Variants in GATA6 observed in about 807,000 individuals in gnomAD.
GATA6 encodes transcription factor GATA-6.
In GATA6, 11 loss-of-function variants were observed where a neutral mutation model predicts 48.1. The observed-to-expected ratio is 0.23, with a 90% confidence interval of 0.14 to 0.38. The LOEUF is 0.38. GATA6 is among the 10% of genes least tolerant of loss of function. GATA6 has a pLI of 1.00. For synonymous variants in GATA6, 419 were observed against 396.1 expected (o/e 1.06, Z -0.69); for missense variants, 795 against 850.3 (o/e 0.93, Z 0.81).
chr18:22,171,159 C>A lies in GATA6; in HGVS notation c.15C>A (p.Asp5Glu). ...CCGGACCGTGGATGGCCTTGACTGACGGCGGCTGGTGCTTGCCGAAGCGCT... is the reference window on the plus strand; with the variant it reads ...CCGGACCGTGGATGGCCTTGACTGAAGGCGGCTGGTGCTTGCCGAAGCGCT... The part of the protein sequence containing the change: MALT[D>E]GGWCLPKRFG... The change falls in exon 2 of 7, where the codon GAC becomes GAA. Residue 5 changes from aspartate to glutamate, a missense_variant. By Grantham distance (45) the Asp-to-Glu change is conservative (BLOSUM62 2). Around this residue, in one of 5 missense-constraint regions of GATA6, gnomAD observed 591 missense variants for 570.0 expected, o/e 1.04. Transcript: ENST00000269216. This position sits in a 1 kb window ranked among gnomAD's most constrained non-coding sequence, Gnocchi z 7.1. 6.3e-7 allele frequency: 1 copy of A among 1,599,958 alleles called. No homozygotes were observed. The highest frequency in any genetic ancestry group is 1.7e-4 in the Middle Eastern group (1 of 6,058).
In GATA6 at chr18:22,200,857, C is replaced by T; in HGVS notation, c.*34C>T. 3 of 1,582,208 alleles carry T rather than the reference C, an allele frequency of 1.9e-6. No individual in the cohort carries two copies. Among genetic ancestry groups the T allele is most frequent in the Non-Finnish European group, 1.7e-6 (2 of 1,163,656 alleles). On this transcript the variant is annotated 3_prime_UTR_variant, in exon 7 of 7. Transcript: ENST00000269216. Reference sequence around the variant, plus strand: ...CGCCAGGAGGCAGGGAGGGCTCCGCCGCGGGCCTCACTCCACTCGTGTCTG... The same window carrying T: ...CGCCAGGAGGCAGGGAGGGCTCCGCTGCGGGCCTCACTCCACTCGTGTCTG...
Position 22,177,047 on chromosome 18 carries a change from C to CTG in GATA6, c.1231_1232dup (p.Asn412AlafsTer10). 6.3e-7 allele frequency: 1 copy of CTG among 1,577,838 alleles called. No homozygotes were observed. Among genetic ancestry groups the CTG allele is most frequent in the Non-Finnish European group, 8.6e-7 (1 of 1,163,498 alleles). ...GCGGCGGGACGGCACCGGCCACTAC[C>CTG]TGTGCAACGCCTGCGGGCTCTACAG... On this transcript the variant is annotated frameshift_variant, in exon 3 of 7. Transcript: ENST00000269216. LOFTEE classifies it high-confidence loss of function.
intron 2 of GATA6, 64 bp from the exon 3 acceptor site, chr18:22,176,891 G>A (rs2033127498): frequency 2.3e-5 from 34 of 1,491,452 alleles, no homozygotes; most frequent in Non-Finnish European, 2.9e-5. Context: ...GGTCCCCGGG[G>A]TGACGCGGGG....
intron 6 of GATA6, among the ~76,000 whole-genome samples, chr18:22,198,432 T>C (rs2033418496): frequency 6.6e-6 from 1 of 152,216 alleles, no homozygotes; most frequent in South Asian, 2.1e-4. Flanking sequence ...GTCTTGGCAC[T>C]TCCCTGCCAT....
chr18:22,189,345 C>T (rs528292452), intron 6 of GATA6, among the ~76,000 whole-genome samples: 44 of 152,240 alleles, frequency 2.9e-4, no homozygotes, highest in South Asian at 1.2e-3. Flanking sequence ...GATTTTATTT[C>T]ATATATAATA....
Position 22,182,861 on chromosome 18 carries a change from G to A in GATA6, c.1516+17G>A, listed in dbSNP as rs371870484. The A allele has an allele frequency of 2.7e-4, 431 of 1,606,374 alleles. 5 individuals are homozygous for A. The highest frequency in any genetic ancestry group is 8.3e-4 in the Middle Eastern group (5 of 6,060). On this transcript the variant is annotated intron_variant, in intron 5 of 6. Transcript: ENST00000269216. ...CTTGCTCTGGTAAATATACTAAAAT[G>A]ACGTTTGACTGTAAAGTATTTGCCA... is the stretch of plus-strand genomic sequence containing the variant.
chr18:22,177,685 C>A lies in GATA6; in HGVS notation c.1302+564C>A, dbSNP rs569987737. Among the ~76,000 whole-genome samples the A allele has an allele frequency of 4.3e-4, 66 of 152,226 alleles. No individual in the cohort carries two copies. In the East Asian group the frequency reaches 0.012, roughly 28 times the overall value. The stretch of plus-strand genomic sequence containing the variant: ...CCCCCAAATAGAATATGCCAGAAAT[C>A]CACCCACTCACGCCTCCTCACAGCC... On this transcript the variant is annotated intron_variant, in intron 3 of 6. Transcript: ENST00000269216.
intron 6 of GATA6, among the ~76,000 whole-genome samples, chr18:22,191,032 CGTGTGTGTGT>C (rs57925913): frequency 0.052 from 6,341 of 121,152 alleles, 555 homozygotes; most frequent in African/African-American, 0.17. Context: ...TTTTAAATCT[CGTGTGTGTGT>C]GTGTGTGTGT....
In GATA6 at chr18:22,177,141, C is replaced by A; in HGVS notation, c.1302+20C>A. On this transcript the variant is annotated intron_variant, in intron 3 of 6. Transcript: ENST00000269216. ...CGCGTGGTGAGTGTGACCCGCCCTGCCCCTGGCTCGCGGCCGGCCCCGGGC... is the reference window on the plus strand; with the variant it reads ...CGCGTGGTGAGTGTGACCCGCCCTGACCCTGGCTCGCGGCCGGCCCCGGGC... The A allele has an allele frequency of 6.5e-7, 1 of 1,538,998 alleles. No homozygotes were observed. Among genetic ancestry groups the A allele is most frequent in the Non-Finnish European group, 8.7e-7 (1 of 1,143,190 alleles).
intron 3 of GATA6, 56 bp downstream of exon 3, chr18:22,177,177 C>T (rs923485703): frequency 1.4e-6 from 2 of 1,461,754 alleles, no homozygotes; most frequent in African/African-American, 2.9e-5. Flanking sequence ...TCTCCTGGCC[C>T]GGCCGGCCCC....
chr18:22,200,335 C>T (rs930884034), intron 6 of GATA6, among the ~76,000 whole-genome samples: 1 of 152,230 alleles, frequency 6.6e-6, no homozygotes, highest in Admixed American at 6.5e-5. Flanking sequence ...GCACTTTTTA[C>T]AAATAGGATT....
chr18:22,186,504 A>G (rs1051672652), intron 6 of GATA6, among the ~76,000 whole-genome samples: 1 of 152,224 alleles, frequency 6.6e-6, no homozygotes. Context: ...GGGACATGAC[A>G]GGAACAGGGT....
chr18:22,194,356 G>C (rs1344729897), intron 6 of GATA6, among the ~76,000 whole-genome samples: 1 of 152,202 alleles, frequency 6.6e-6, no homozygotes, highest in African/African-American at 2.4e-5. Flanking sequence ...GATAAGCCTT[G>C]AATGGAAACA....
chr18:22,176,952 C>A lies in GATA6; in HGVS notation c.1136-3C>A. The A allele has an allele frequency of 1.9e-6, 3 of 1,549,344 alleles. No homozygotes were observed. Among genetic ancestry groups the A allele is most frequent in the Non-Finnish European group, 2.6e-6 (3 of 1,151,488 alleles). On this transcript the variant is annotated splice_region_variant and splice_polypyrimidine_tract_variant and intron_variant, in intron 2 of 6. Coordinates refer to ENST00000269216, the MANE Select transcript of GATA6 (RefSeq NM_005257.6). ...CCGCCCTCACGCACCGCTGTCGCCG[C>A]AGACCTGCTGGAGGACCTGTCCGAG...
chr18:22,175,117 T>C (rs932533580), intron 2 of GATA6, among the ~76,000 whole-genome samples: 4 of 152,200 alleles, frequency 2.6e-5, no homozygotes, highest in Non-Finnish European at 5.9e-5. Context: ...CCAGCTTTTA[T>C]ATCTTACAGC....
At chr18:22,184,095 C>T (rs1006370203) in intron 6 of GATA6, among the ~76,000 whole-genome samples, 10 of 152,232 alleles carry the variant, frequency 6.6e-5, no homozygotes, top group African/African-American at 2.2e-4. Flanking sequence ...GAACAAGTGC[C>T]CCAGGTGAAA....
At chr18:22,182,318 A>T (rs965130772) in intron 4 of GATA6, among the ~76,000 whole-genome samples, 2 of 151,680 alleles carry the variant, frequency 1.3e-5, no homozygotes, top group South Asian at 2.1e-4. Flanking sequence ...TTGAGTGTGT[A>T]TAAAAATTGG....
At position 22,169,612 on chromosome 18, in the gene GATA6, C is replaced by T. The variant is rs1012387071; in HGVS notation, c.-108C>T. 2 of 152,450 alleles carry T rather than the reference C, an allele frequency of 1.3e-5. No homozygotes were observed. Among genetic ancestry groups the T allele is most frequent in the Non-Finnish European group, 2.9e-5 (2 of 68,082 alleles). The allele number at this position is 152,450 out of a possible 1,614,324, so 9.4% of individuals were successfully genotyped here. On this transcript the variant is annotated 5_prime_UTR_variant, in exon 1 of 7. Coordinates refer to ENST00000269216, the MANE Select transcript of GATA6 (RefSeq NM_005257.6). The stretch of plus-strand genomic sequence containing the variant: ...CCGGACTCGCGCTCGCCCGCTGGCG[C>T]CCTCGGCTTCTCTCCGCGCCTGGGA...
At chr18:22,169,813 C>G (rs544795456) in intron 1 of GATA6, 131 bp downstream of exon 1, 1 of 152,408 alleles carries the variant, frequency 6.6e-6, no homozygotes, top group Admixed American at 6.5e-5. Flanking sequence ...TTCCCTCCTT[C>G]CCTCCGGGCG....
Sources: allele counts gnomAD v4.1 joint callset (sites outside exome capture counted in the v4.1 genomes callset), GRCh38; gene constraint gnomAD v4.1.1; regional missense constraint gnomAD v4.1.1; non-coding constraint Gnocchi (gnomAD v3.1); transcripts MANE v1.5; gene names NCBI Gene and HGNC (gene_info 2026-07-23, HGNC 2026-07-21).